PAPPA: variants seen among roughly 807,000 people sequenced by gnomAD.
PAPPA encodes the protein pappalysin 1.
Under a neutral mutation model 164.0 loss-of-function variants are expected in PAPPA, and 60 were observed. The observed-to-expected ratio is 0.37, with a 90% CI of 0.30 to 0.45. The LOEUF (loss-of-function observed/expected upper bound fraction) is 0.45, where lower values mean the gene tolerates loss of function less well. PAPPA is among the 20% of genes least tolerant of loss of function. The pLI is 1.00. For synonymous variants in PAPPA, 875 were observed against 814.1 expected, an observed-to-expected ratio of 1.07 and a Z score of -1.27; for missense variants, 1,782 against 2,087.3, an observed-to-expected ratio of 0.85 and a Z score of 2.85.
chr9:116,335,663 C>T (rs1846052183), intron 13 of PAPPA, among the ~76,000 whole-genome samples: 4 of 152,110 alleles, frequency 2.6e-5, no homozygotes, highest in Admixed American at 2.0e-4. Context: ...GTTAATGCAC[C>T]TAGTTTGGAG....
chr9:116,285,789 A>C (rs1352063011), intron 9 of PAPPA: 4 of 152,332 alleles, frequency 2.6e-5, no homozygotes, highest in Middle Eastern at 3.4e-3. Flanking sequence ...AATAATTTGC[A>C]GTTCAGTAAA....
intron 1 of PAPPA, among the ~76,000 whole-genome samples, chr9:116,168,477 G>A (rs1359864039): frequency 2.0e-5 from 3 of 152,142 alleles, no homozygotes; most frequent in African/African-American, 7.2e-5. Flanking sequence ...GAAACACTAT[G>A]TTATGAAACA....
chr9:116,160,932 T>C (rs1292311426), intron 1 of PAPPA, among the ~76,000 whole-genome samples: 1 of 152,222 alleles, frequency 6.6e-6, no homozygotes, highest in Non-Finnish European at 1.5e-5. Context: ...GTGTGACCTG[T>C]GGTCTCTGAC....
intron 2 of PAPPA, among the ~76,000 whole-genome samples, chr9:116,195,499 A>G (rs1844093751): frequency 6.6e-6 from 1 of 152,216 alleles, no homozygotes; most frequent in Admixed American, 6.5e-5. Context: ...AAGTCATTTA[A>G]CAGTTCTGTA....
rs201351970 is a variant in PAPPA, at chr9:116,258,674, GA to G, written c.2733-7173del. ...TAGACCGATGAAACAAGATAACCCC[GA>G]AAAAAAAAATTATGAAAGTACTGAA... On this transcript the variant is annotated intron_variant, in intron 7 of 21. Transcript: ENST00000328252. 6.1e-3 allele frequency among the ~76,000 whole-genome samples: 905 copies of G among 148,728 alleles called. 9 individuals are homozygous for G. Among genetic ancestry groups the G allele is most frequent in the African/African-American group, 0.021 (850 of 40,658 alleles).
In PAPPA at chr9:116,344,653, G is replaced by C. The variant is rs1166201186; in HGVS notation, c.3722G>C (p.Ser1241Thr). The change falls in exon 14 of 22, where the codon AGC becomes ACC. Residue 1241 changes from serine to threonine, a missense_variant. Around this residue, in one of 2 missense-constraint regions of PAPPA, gnomAD observed 1,324 missense variants for 1,656.9 expected, o/e 0.80. Coordinates refer to ENST00000328252, the MANE Select transcript of PAPPA (RefSeq NM_002581.5). ...DRYHGAQCTV[S>T]CRTGYVLQIR... Reference sequence around the variant, plus strand: ...TACCACGGTGCCCAGTGTACTGTGAGCTGCCGGACAGGCTACGTGCTCCAG... The same window carrying C: ...TACCACGGTGCCCAGTGTACTGTGACCTGCCGGACAGGCTACGTGCTCCAG... 1 of 1,614,192 alleles carries C rather than the reference G, an allele frequency of 6.2e-7. No individual in the cohort carries two copies. The highest frequency in any genetic ancestry group is 8.5e-7 in the Non-Finnish European group (1 of 1,180,032).
Position 116,344,642 on chromosome 9 carries a change from G to A in PAPPA, c.3711G>A (p.Gln1237=). ...GCAGCGACCGCTACCACGGTGCCCA[G>A]TGTACTGTGAGCTGCCGGACAGGCT... ...CSSSDRYHGA[Q]CTVSCRTGYV... is the part of the protein sequence containing the mutation. Residue 1237 remains glutamine, a synonymous_variant, in exon 14 of 22, where the codon CAG becomes CAA. Coordinates refer to ENST00000328252, the MANE Select transcript of PAPPA (RefSeq NM_002581.5). 6.2e-7 allele frequency: 1 copy of A among 1,614,198 alleles called. No individual in the cohort carries two copies. Among genetic ancestry groups the A allele is most frequent in the Non-Finnish European group, 8.5e-7 (1 of 1,180,026 alleles).
chr9:116,273,730 T>C (rs1171831876), intron 9 of PAPPA, among the ~76,000 whole-genome samples: 1 of 152,040 alleles, frequency 6.6e-6, no homozygotes, highest in East Asian at 1.9e-4. Context: ...GCCGAGATCA[T>C]GCCATTGCAT....
At chr9:116,316,421 C>T (rs1845788319) in intron 10 of PAPPA, 1 of 152,216 alleles carries the variant, frequency 6.6e-6, no homozygotes, top group African/African-American at 2.4e-5. Context: ...CCCAGATTCT[C>T]AGGCACTGCA....
chr9:116,384,761 G>A (rs1846783573), intron 21 of PAPPA, among the ~76,000 whole-genome samples: 1 of 152,070 alleles, frequency 6.6e-6, no homozygotes, highest in South Asian at 2.1e-4. Flanking sequence ...AATGAATATA[G>A]TGAACAATAT....
At chr9:116,252,876 TG>T (rs1844876113) in intron 7 of PAPPA, among the ~76,000 whole-genome samples, 1 of 152,234 alleles carries the variant, frequency 6.6e-6, no homozygotes, top group Non-Finnish European at 1.5e-5. Context: ...TGTTTTATGC[TG>T]TTTCTACTGC....
intron 4 of PAPPA, among the ~76,000 whole-genome samples, chr9:116,218,148 G>T (rs1449823252): frequency 2.6e-5 from 4 of 152,088 alleles, no homozygotes; most frequent in African/African-American, 9.7e-5. Flanking sequence ...GAGACATTGG[G>T]CTCTTCCACT....
intron 3 of PAPPA, 83 bp downstream of exon 3, chr9:116,207,684 T>C: frequency 9.4e-7 from 1 of 1,062,958 alleles, no homozygotes; most frequent in Non-Finnish European, 1.3e-6. Flanking sequence ...GTTACGATCA[T>C]GATGGTGGTG....
chr9:116,180,928 G>T (rs958591298), intron 1 of PAPPA, among the ~76,000 whole-genome samples: 2 of 152,118 alleles, frequency 1.3e-5, no homozygotes, highest in African/African-American at 4.8e-5. Flanking sequence ...CCAGTTTTCT[G>T]ATCTGTAAAT....
At chr9:116,243,208 C>T (rs2118762760) in intron 7 of PAPPA, among the ~76,000 whole-genome samples, 1 of 152,312 alleles carries the variant, frequency 6.6e-6, no homozygotes, top group South Asian at 2.1e-4. Flanking sequence ...AGTACAATCC[C>T]TGTGCTAAGA....
chr9:116,304,015 G>A (rs1845613000), intron 10 of PAPPA, among the ~76,000 whole-genome samples: 2 of 152,316 alleles, frequency 1.3e-5, no homozygotes, highest in South Asian at 4.1e-4. Context: ...GGCATTTCCT[G>A]ATGCTTAACA....
chr9:116,246,103 A>G (rs1265596230), intron 7 of PAPPA, among the ~76,000 whole-genome samples: 5 of 152,206 alleles, frequency 3.3e-5, no homozygotes, highest in African/African-American at 9.6e-5. Context: ...TTAAATGTGT[A>G]TTTGAATGAA....
Position 116,384,270 on chromosome 9 carries a change from TTAA to T in PAPPA, c.4776+1808_4776+1810del, listed in dbSNP as rs3040228. Among the ~76,000 whole-genome samples the T allele has an allele frequency of 6.1e-4, 85 of 138,268 alleles. 1 individual carries two copies. Among genetic ancestry groups the T allele is most frequent in the South Asian group, 5.1e-3 (21 of 4,158 alleles). 90.7% of individuals were successfully genotyped at this position (138,268 alleles called of 152,430 possible). A position where few individuals can be genotyped will look rare whatever the true frequency, so the allele number is the denominator to read the frequency against. ...GGCAGACCCTTGTCTCTACACGTAA[TTAA>T]TAATAATAATAATAATAATAATAAT... On this transcript the variant is annotated intron_variant, in intron 21 of 21. Coordinates refer to ENST00000328252, the MANE Select transcript of PAPPA (RefSeq NM_002581.5).
chr9:116,336,069 A>T (rs1343418145), intron 13 of PAPPA, among the ~76,000 whole-genome samples: 1 of 152,146 alleles, frequency 6.6e-6, no homozygotes, highest in African/African-American at 2.4e-5. Flanking sequence ...CTGTGTTACC[A>T]TGTAGAATCA....
Sources: gnomAD v4.1 joint callset for allele counts (sites outside exome capture counted in the v4.1 genomes callset) on GRCh38, gnomAD v4.1.1 for gene constraint, gnomAD v4.1.1 regional missense constraint, MANE v1.5 for transcripts, NCBI Gene and HGNC (gene_info 2026-07-23, HGNC 2026-07-21) for gene names.